The following FILIP1 variants were observed in gnomAD, a reference collection of about 807,000 sequenced individuals.
The protein encoded by FILIP1 is filamin A interacting protein 1.
FILIP1 carries 61 observed loss-of-function variants against 102.1 expected under a neutral mutation model. The ratio of observed to expected loss-of-function variants is 0.60; its 90% CI spans 0.49 to 0.74. FILIP1 has a LOEUF of 0.74. Among genes scored for constraint, FILIP1 ranks in the 30% least tolerant of loss-of-function variants. FILIP1 has a pLI of 0.00. For missense variants in FILIP1, 1,314 were observed against 1,441.2 expected, an observed-to-expected ratio of 0.91 and a Z score of 1.43; for synonymous variants, 491 against 526.9, an observed-to-expected ratio of 0.93 and a Z score of 0.93.
At chr6:75,372,685 GAGAAAGAAAGAGAA>G (rs1775583252) in intron 2 of FILIP1, among the ~76,000 whole-genome samples, 3 of 23,424 alleles carry the variant, frequency 1.3e-4, no homozygotes, top group Non-Finnish European at 2.4e-4. Flanking sequence ...AAGAAAGAAA[GAGAAAGAAAGAGAA>G]AGAAAGAAAG....
At chr6:75,332,826 C>A (rs1355109121) in intron 4 of FILIP1, among the ~76,000 whole-genome samples, 1 of 152,096 alleles carries the variant, frequency 6.6e-6, no homozygotes, top group Non-Finnish European at 1.5e-5. Flanking sequence ...GAGCTGGCAG[C>A]ATGAATGAGG....
Position 75,362,840 on chromosome 6 carries a change from C to T in FILIP1, c.354G>A (p.Ala118=), listed in dbSNP as rs773253915. ...GGACCCGCAGCACTTTCTCTGGCTCCGCAGACCCGTAATGAGCCTCCAGAA... is the reference window on the plus strand; with the variant it reads ...GGACCCGCAGCACTTTCTCTGGCTCTGCAGACCCGTAATGAGCCTCCAGAA... ...PEVLEAHYGS[A]EPEKVLRVLH... is the part of the protein sequence containing the mutation. Residue 118 remains alanine, a synonymous_variant, in exon 3 of 6, where the codon GCG becomes GCA. Transcript: ENST00000237172. The T allele has an allele frequency of 5.0e-6, 8 of 1,613,904 alleles. No homozygotes were observed. Among genetic ancestry groups the T allele is most frequent in the African/African-American group, 2.7e-5 (2 of 74,958 alleles).
At chr6:75,339,244 T>C (rs552799296) in intron 4 of FILIP1, among the ~76,000 whole-genome samples, 1 of 152,378 alleles carries the variant, frequency 6.6e-6, no homozygotes, top group South Asian at 2.1e-4. Flanking sequence ...TATTATTTCC[T>C]GATGATTTTT....
At chr6:75,335,546 TGA>T (rs1484678592) in intron 4 of FILIP1, among the ~76,000 whole-genome samples, 1 of 152,044 alleles carries the variant, frequency 6.6e-6, no homozygotes, top group Non-Finnish European at 1.5e-5. Context: ...TCCTTCTCCC[TGA>T]GAGAGTGTAT....
At chr6:75,481,072 C>T in intron 1 of FILIP1, among the ~76,000 whole-genome samples, 1 of 152,134 alleles carries the variant, frequency 6.6e-6, no homozygotes, top group East Asian at 1.9e-4. Context: ...CTCTACAGTT[C>T]CCTTTCCCAC....
chr6:75,387,658 T>C (rs1203285099), intron 2 of FILIP1, among the ~76,000 whole-genome samples: 1 of 152,252 alleles, frequency 6.6e-6, no homozygotes, highest in African/African-American at 2.4e-5. Context: ...TGAGCTTTTT[T>C]CATGTGTTTG....
intron 4 of FILIP1, among the ~76,000 whole-genome samples, chr6:75,320,868 G>T (rs935731702): frequency 3.3e-5 from 5 of 152,164 alleles, no homozygotes; most frequent in Non-Finnish European, 7.3e-5. Flanking sequence ...TCTCTATATG[G>T]GCTGAGCAAG....
At chr6:75,459,339 G>T (rs1778943670) in intron 1 of FILIP1, among the ~76,000 whole-genome samples, 1 of 152,126 alleles carries the variant, frequency 6.6e-6, no homozygotes, top group African/African-American at 2.4e-5. Context: ...TTACTAGTAT[G>T]AATTGTTGGC....
intron 4 of FILIP1, among the ~76,000 whole-genome samples, chr6:75,320,596 A>T (rs1328368646): frequency 6.6e-6 from 1 of 152,180 alleles, no homozygotes; most frequent in Non-Finnish European, 1.5e-5. Flanking sequence ...AAAAAAAGAA[A>T]ACAAATATAG....
At chr6:75,296,341 T>TTGTG (rs57430339) in intron 6 of FILIP1, among the ~76,000 whole-genome samples, 6,315 of 141,462 alleles carry the variant, frequency 0.045, 163 homozygotes, top group African/African-American at 0.066. Context: ...TTCAATTTCT[T>TTGTG]TGTGTGTGTG....
At chr6:75,434,783 C>T (rs550933880) in intron 1 of FILIP1, among the ~76,000 whole-genome samples, 3 of 152,328 alleles carry the variant, frequency 2.0e-5, no homozygotes, top group East Asian at 1.9e-4. Flanking sequence ...AAAGGGAATG[C>T]TTCCAGCTTT....
intron 1 of FILIP1, among the ~76,000 whole-genome samples, chr6:75,473,142 G>A (rs1395089379): frequency 1.3e-5 from 2 of 152,110 alleles, no homozygotes; most frequent in South Asian, 2.1e-4. Context: ...AAGATCATAT[G>A]TTGCTTTTTG....
intron 1 of FILIP1, among the ~76,000 whole-genome samples, chr6:75,441,915 C>T (rs1476568211): frequency 1.1e-4 from 16 of 150,000 alleles, no homozygotes; most frequent in African/African-American, 3.9e-4. Context: ...CCGGACGGGG[C>T]GGCTGGCCGG....
At chr6:75,355,301 C>A (rs1469930011) in intron 3 of FILIP1, among the ~76,000 whole-genome samples, 5 of 151,634 alleles carry the variant, frequency 3.3e-5, no homozygotes, top group Non-Finnish European at 7.4e-5. Context: ...TCTCAAAAAC[C>A]AAAACCAAAA....
At chr6:75,440,640 A>T (rs1778180654) in intron 1 of FILIP1, among the ~76,000 whole-genome samples, 2 of 151,994 alleles carry the variant, frequency 1.3e-5, no homozygotes, top group South Asian at 4.1e-4. Flanking sequence ...CTGGTCTTTG[A>T]CTCCATGGAC....
chr6:75,468,952 T>C (rs552968441), intron 1 of FILIP1, among the ~76,000 whole-genome samples: 64 of 152,084 alleles, frequency 4.2e-4, no homozygotes, highest in African/African-American at 1.5e-3. Flanking sequence ...CAAACTATCA[T>C]TCAAGAATGA....
chr6:75,352,226 T>C (rs1582384233), intron 4 of FILIP1, among the ~76,000 whole-genome samples: 1 of 152,220 alleles, frequency 6.6e-6, no homozygotes. Flanking sequence ...TTTTTGTAAC[T>C]AAATAGATAA....
intron 1 of FILIP1, among the ~76,000 whole-genome samples, chr6:75,426,554 G>A (rs935864284): frequency 6.6e-6 from 1 of 152,110 alleles, no homozygotes; most frequent in Non-Finnish European, 1.5e-5. Context: ...AGCTTGGAGA[G>A]GCAGCTGACA....
At chr6:75,375,100 G>A (rs957266504) in intron 2 of FILIP1, among the ~76,000 whole-genome samples, 3 of 152,074 alleles carry the variant, frequency 2.0e-5, no homozygotes, top group Admixed American at 2.0e-4. Flanking sequence ...GGAGGGGTGA[G>A]TCTGAGTGCA....
Sources: gnomAD v4.1 joint callset for allele counts (sites outside exome capture counted in the v4.1 genomes callset) on GRCh38, gnomAD v4.1.1 for gene constraint, MANE v1.5 for transcripts, NCBI Gene and HGNC (gene_info 2026-07-23, HGNC 2026-07-21) for gene names.